GRSF1: variants seen among roughly 807,000 people sequenced by gnomAD.
GRSF1 encodes the protein G-rich RNA sequence binding factor 1, also known as G-rich sequence factor 1.
A neutral mutation model predicts 51.1 loss-of-function variants in GRSF1; 50 were observed. The ratio of observed to expected loss-of-function variants is 0.98; its 90% CI spans 0.78 to 1.24. The LOEUF is 1.24. Ranked by LOEUF, GRSF1 falls within the 50% of genes most tolerant of loss-of-function variation. The pLI, the probability that GRSF1 is intolerant of heterozygous loss-of-function variation, is 0.00. For missense variants in GRSF1, 700 were observed against 639.7 expected (o/e 1.09, Z -1.02); for synonymous variants, 293 against 253.3 (o/e 1.16, Z -1.49).
Position 70,827,924 on chromosome 4 carries a change from T to C in GRSF1, c.1063A>G (p.Met355Val), listed in dbSNP as rs1221980341. 6.2e-7 allele frequency: 1 copy of C among 1,613,262 alleles called. No homozygotes were observed. The highest frequency in any genetic ancestry group is 8.5e-7 in the Non-Finnish European group (1 of 1,179,330). Residue 355 changes from methionine to valine, a missense_variant, in exon 6 of 10, where the codon ATG (methionine) becomes GTG (valine). By Grantham distance (21) the Met-to-Val change is conservative. Coordinates refer to ENST00000254799, the MANE Select transcript of GRSF1 (RefSeq NM_002092.4). ...TTTACTTCATGTTCTTCAAAGACCA[T>C]TTCTGGCTCAGTTATATACTTAGCA... ...PTAKYITEPE[M>V]VFEEHEVNED...
chr4:70,825,975 G>GC (rs1461390827), intron 7 of GRSF1, 149 bp downstream of exon 7: 2 of 665,056 alleles, frequency 3.0e-6, no homozygotes, highest in Non-Finnish European at 5.1e-6. Context: ...TACAGAAAAA[G>GC]AAGCAAGCTT....
chr4:70,816,253 G>A lies in GRSF1; in HGVS notation c.*4634C>T, dbSNP rs1733301615. 2 of 151,012 alleles carry A rather than the reference G, an allele frequency of 1.3e-5. No individual in the cohort carries two copies. The highest frequency in any genetic ancestry group is 4.9e-5 in the African/African-American group (2 of 41,046). The allele number at this position is 151,012 out of a possible 1,614,324, so 9.4% of individuals were successfully genotyped here. ...TAATCCCAGCTACTCGGGAGGCTGA[G>A]GCAGGAGACTCCCTTGAACCCAGGA... On this transcript the variant is annotated 3_prime_UTR_variant, in exon 10 of 10. Coordinates refer to ENST00000254799, the MANE Select transcript of GRSF1 (RefSeq NM_002092.4).
At chr4:70,828,325 T>G (rs76006634) in intron 5 of GRSF1, among the ~76,000 whole-genome samples, 1 of 152,212 alleles carries the variant, frequency 6.6e-6, no homozygotes, top group African/African-American at 2.4e-5. Flanking sequence ...TATGCTTAAG[T>G]TAATTGTGTA....
intron 9 of GRSF1, 148 bp downstream of exon 9, chr4:70,824,146 T>G (rs1307945574): frequency 1.7e-5 from 7 of 403,636 alleles, no homozygotes; most frequent in Non-Finnish European, 3.3e-5. Context: ...AATTTTTGTA[T>G]TTTTAGTAGA....
chr4:70,827,107 G>A (rs1176358364), intron 6 of GRSF1, among the ~76,000 whole-genome samples: 1 of 151,978 alleles, frequency 6.6e-6, no homozygotes, highest in Non-Finnish European at 1.5e-5. Flanking sequence ...GGCCAACACG[G>A]GGAAACCCCG....
rs1353126282 is a variant in GRSF1, at chr4:70,820,208, TAG to T, written c.*677_*678del. Reference sequence around the variant, plus strand: ...GTTAAGACTAGAATGCCCCCTTAAGTAGATAGGCACCACCGTTATACGCCTTT... The same window carrying T: ...GTTAAGACTAGAATGCCCCCTTAAGTATAGGCACCACCGTTATACGCCTTT... On this transcript the variant is annotated 3_prime_UTR_variant, in exon 10 of 10. Coordinates refer to ENST00000254799, the MANE Select transcript of GRSF1 (RefSeq NM_002092.4). The T allele has an allele frequency of 6.6e-6, 1 of 152,406 alleles. No individual in the cohort carries two copies. The highest frequency in any genetic ancestry group is 1.9e-4 in the East Asian group (1 of 5,204). 9.4% of individuals were successfully genotyped at this position (152,406 alleles called of 1,614,324 possible). A position where few individuals can be genotyped will look rare whatever the true frequency, so the allele number is the denominator to read the frequency against.
chr4:70,837,287 A>G (rs570881693), intron 1 of GRSF1, among the ~76,000 whole-genome samples: 1 of 152,318 alleles, frequency 6.6e-6, no homozygotes, highest in Admixed American at 6.5e-5. Flanking sequence ...CTACTGGGCC[A>G]GGTGCGGTGG....
In GRSF1 at chr4:70,833,214, G is replaced by A. The variant is rs1468489577; in HGVS notation, c.574C>T (p.Arg192Ter). The change falls in exon 3 of 10, where the codon CGA (arginine) becomes TGA (stop). Residue 192 changes from arginine to a stop codon, truncating the protein, a stop_gained. Coordinates refer to ENST00000254799, the MANE Select transcript of GRSF1 (RefSeq NM_002092.4). LOFTEE classifies it high-confidence loss of function. ...ATTTCAATTAAGGCATCACCCCTTC[G>A]TTTCCCATCTCTGTTTAGGAGAAAA... ...IHFLLNRDGK[R>*]RGDALIEMES... The A allele has an allele frequency of 4.3e-6, 7 of 1,613,670 alleles. No homozygotes were observed. The highest frequency in any genetic ancestry group is 5.1e-6 in the Non-Finnish European group (6 of 1,179,684).
chr4:70,833,405 C>A, intron 2 of GRSF1, 132 bp from the exon 3 acceptor site: 3 of 726,740 alleles, frequency 4.1e-6, no homozygotes, highest in Non-Finnish European at 4.5e-6. Context: ...AAATCCCCAT[C>A]ACTGAAGTCA....
intron 8 of GRSF1, 48 bp downstream of exon 8, chr4:70,825,248 C>G: frequency 6.7e-7 from 1 of 1,491,454 alleles, no homozygotes; most frequent in Non-Finnish European, 9.1e-7. Context: ...TATTTGTAAG[C>G]AAAGACAAGC....
intron 2 of GRSF1, 32 bp downstream of exon 2, chr4:70,836,126 A>C: frequency 2.3e-6 from 3 of 1,292,364 alleles, no homozygotes; most frequent in Middle Eastern, 2.0e-4. Flanking sequence ...TAAGGAAAAA[A>C]AATAAATAAA....
intron 8 of GRSF1, among the ~76,000 whole-genome samples, chr4:70,824,716 G>C (rs1296287174): frequency 6.6e-6 from 1 of 152,186 alleles, no homozygotes; most frequent in African/African-American, 2.4e-5. Flanking sequence ...CCAGGAGGCG[G>C]AGGTTGCAGT....
intron 7 of GRSF1, 63 bp from the exon 8 acceptor site, chr4:70,825,494 G>T (rs761791649): frequency 1.8e-5 from 25 of 1,354,434 alleles, no homozygotes; most frequent in Non-Finnish European, 2.0e-5. Context: ...TAGAAGTCTG[G>T]TGGCTCTTCA....
chr4:70,825,712 G>A (rs536073277), intron 7 of GRSF1: 4 of 295,440 alleles, frequency 1.4e-5, no homozygotes, highest in African/African-American at 4.5e-5. Context: ...ACAGTGGATC[G>A]CTTGAGGTCA....
chr4:70,839,609 G>C lies in GRSF1; in HGVS notation c.219C>G (p.Pro73=). The change falls in exon 1 of 10, where the codon CCC becomes CCG. Residue 73 remains proline, a synonymous_variant. Coordinates refer to ENST00000254799, the MANE Select transcript of GRSF1 (RefSeq NM_002092.4). The stretch of plus-strand genomic sequence containing the variant: ...CAGCGGGAGGCCCCGCCAGCCTCCC[G>C]GGAGGCACAGGCCCGGTCTGGAGGC... The part of the protein sequence containing the change: ...TRGLQTGPVP[P]GRLAGPPAVA... The C allele has an allele frequency of 7.1e-7, 1 of 1,404,202 alleles. No homozygotes were observed. Among genetic ancestry groups the C allele is most frequent in the Non-Finnish European group, 9.2e-7 (1 of 1,085,316 alleles). The allele number at this position is 1,404,202 out of a possible 1,614,324, so 87.0% of individuals were successfully genotyped here.
intron 1 of GRSF1, 41 bp downstream of exon 1, chr4:70,839,430 G>A: frequency 2.7e-6 from 4 of 1,490,406 alleles, no homozygotes; most frequent in Non-Finnish European, 3.6e-6. Context: ...CACGCGGCCC[G>A]GGAGGGATCT....
chr4:70,822,007 G>A (rs1325445931), intron 9 of GRSF1, among the ~76,000 whole-genome samples: 2 of 151,782 alleles, frequency 1.3e-5, no homozygotes, highest in African/African-American at 4.8e-5. Context: ...TTACAGGTAA[G>A]TGTCTCAAAA....
upstream of GRSF1, among the ~76,000 whole-genome samples, chr4:70,842,951 C>T (rs1734485841): frequency 6.6e-6 from 1 of 152,240 alleles, no homozygotes; most frequent in African/African-American, 2.4e-5. Flanking sequence ...ACAGCACAAA[C>T]TGACCCTAAA....
intron 2 of GRSF1, 83 bp from the exon 3 acceptor site, chr4:70,833,356 C>A: frequency 8.3e-7 from 1 of 1,199,712 alleles, no homozygotes. Context: ...TGCAGTTTTC[C>A]AACAACAAAG....
Sources: gnomAD v4.1 joint callset for allele counts (sites outside exome capture counted in the v4.1 genomes callset) on GRCh38, gnomAD v4.1.1 for gene constraint, MANE v1.5 for transcripts, NCBI Gene and HGNC (gene_info 2026-07-23, HGNC 2026-07-21) for gene names.